The following KCTD2 variants were observed in gnomAD, a reference collection of about 807,000 sequenced individuals.
KCTD2 encodes potassium channel tetramerization domain containing 2.
A neutral mutation model predicts 27.9 loss-of-function variants in KCTD2; 18 were observed. The observed-to-expected ratio is 0.64, with a 90% CI of 0.45 to 0.96. KCTD2 has a LOEUF of 0.96. Ranked by LOEUF, KCTD2 falls within the 40% of genes least tolerant of loss-of-function variation. KCTD2 has a pLI of 0.00. For missense variants in KCTD2, 280 were observed against 348.0 expected, an observed-to-expected ratio of 0.80 and a Z score of 1.56; for synonymous variants, 175 against 148.4, an observed-to-expected ratio of 1.18 and a Z score of -1.30.
upstream of KCTD2, among the ~76,000 whole-genome samples, chr17:75,044,992 A>AC (rs758820951): frequency 5.0e-4 from 76 of 151,984 alleles, no homozygotes; most frequent in Non-Finnish European, 9.6e-4. Context: ...ACTTTCCCAA[A>AC]CATCAGTGTA....
At chr17:75,062,976 TC>T (rs1349687164) in intron 5 of KCTD2, 41 bp from the exon 6 acceptor site, 1 of 1,609,928 alleles carries the variant, frequency 6.2e-7, no homozygotes, top group South Asian at 1.1e-5. Context: ...TCTCTGTCTT[TC>T]CCTCAGCAGC....
rs141715404 is a variant in KCTD2, at chr17:75,061,938, A to G, written c.637-182A>G. Among the ~76,000 whole-genome samples the G allele has an allele frequency of 4.2e-3, 646 of 152,248 alleles. 3 individuals are homozygous for G. Among genetic ancestry groups the G allele is most frequent in the African/African-American group, 0.015 (615 of 41,534 alleles). On this transcript the variant is annotated intron_variant, in intron 4 of 5. Transcript: ENST00000322444. ...TCCTCCTGGGGAGGCCTCACCAATG[A>G]TGCCCTGATGAAGAACAGGCCCATT...
chr17:75,033,562 A>AT (rs1423557256), intron 1 of KCTD2, among the ~76,000 whole-genome samples: 9 of 152,076 alleles, frequency 5.9e-5, no homozygotes, highest in African/African-American at 2.2e-4. Context: ...AAATTCCTGG[A>AT]TTTTTTATCA....
rs1224730871 is a variant in KCTD2, at chr17:75,065,398, A to T, written c.*2351A>T. On this transcript the variant is annotated 3_prime_UTR_variant, in exon 6 of 6. Coordinates refer to ENST00000322444, the MANE Select transcript of KCTD2 (RefSeq NM_015353.3). The stretch of plus-strand genomic sequence containing the variant: ...GAGTGTCTGGCTGATCACATCAGAG[A>T]GGTCTGCGTGGCAGTTTGGGGCTGT... 6.6e-6 allele frequency: 1 copy of T among 152,102 alleles called. No homozygotes were observed. The highest frequency in any genetic ancestry group is 1.5e-5 in the Non-Finnish European group (1 of 68,048). The allele number at this position is 152,102 out of a possible 1,614,324, so 9.4% of individuals were successfully genotyped here.
At chr17:75,047,168 G>A (rs1021917836), upstream of KCTD2, 11 of 376,854 alleles carry the variant, frequency 2.9e-5, no homozygotes, top group African/African-American at 2.2e-4. Context: ...CACCCCCGCC[G>A]ATGGGCCGGC....
At chr17:75,056,492 T>G (rs2073351513) in intron 3 of KCTD2, among the ~76,000 whole-genome samples, 1 of 152,218 alleles carries the variant, frequency 6.6e-6, no homozygotes. Flanking sequence ...CTGGAGAGCA[T>G]TATAAGATTT....
intron 2 of KCTD2, among the ~76,000 whole-genome samples, chr17:75,051,844 C>T (rs1488885751): frequency 6.6e-6 from 1 of 152,066 alleles, no homozygotes. Context: ...GTCAGTTGTC[C>T]TAATAATGGC....
chr17:75,054,176 C>T (rs1181328380), intron 3 of KCTD2, among the ~76,000 whole-genome samples: 2 of 151,700 alleles, frequency 1.3e-5, no homozygotes, highest in African/African-American at 4.8e-5. Flanking sequence ...AGCTACCACA[C>T]CTGGCTAATT....
chr17:75,038,089 T>C (rs1032038961), intron 3 of KCTD2, among the ~76,000 whole-genome samples: 4 of 151,958 alleles, frequency 2.6e-5, no homozygotes, highest in South Asian at 2.1e-4. Flanking sequence ...CATGTTCAAA[T>C]GCAAAAAGCT....
At chr17:75,049,349 G>T in intron 2 of KCTD2, 21 bp downstream of exon 2, 2 of 1,391,358 alleles carry the variant, frequency 1.4e-6, no homozygotes, top group Non-Finnish European at 1.0e-6. Flanking sequence ...TGTTTGCATT[G>T]GGGATTTTCA....
intron 3 of KCTD2, among the ~76,000 whole-genome samples, chr17:75,054,687 G>A (rs1434528748): frequency 6.6e-6 from 1 of 151,974 alleles, no homozygotes; most frequent in Non-Finnish European, 1.5e-5. Context: ...GGTGCCTGTA[G>A]TCCCAGCTGC....
chr17:75,040,532 G>C (rs1482449867), intron 3 of KCTD2: 31 of 255,234 alleles, frequency 1.2e-4, no homozygotes, highest in Non-Finnish European at 1.9e-4. Flanking sequence ...CTTCTGCATG[G>C]AACCCTAGGG....
At chr17:75,056,952 C>CTTTTTTTTTTTTTTTTTTT (rs35875644) in intron 3 of KCTD2, among the ~76,000 whole-genome samples, 16 of 108,012 alleles carry the variant, frequency 1.5e-4, no homozygotes, top group Non-Finnish European at 2.3e-4. Flanking sequence ...TTTCTTTTTT[C>CTTTTTTTTTTTTTTTTTTT]TTTTTTTTTT....
At chr17:75,037,472 T>G (rs996686938) in intron 3 of KCTD2, among the ~76,000 whole-genome samples, 10 of 152,274 alleles carry the variant, frequency 6.6e-5, no homozygotes, top group Admixed American at 1.3e-4. Context: ...ACCTAGAAAC[T>G]TCCCAGGTTA....
chr17:75,042,632 C>T, upstream of KCTD2: 1 of 1,609,972 alleles, frequency 6.2e-7, no homozygotes. Context: ...GTTTTTAGAG[C>T]AAGTTTTCGC....
intron 4 of KCTD2, chr17:75,060,675 G>T: frequency 6.9e-7 from 1 of 1,443,078 alleles, no homozygotes; most frequent in Non-Finnish European, 9.2e-7. Context: ...GTGCGAGGGC[G>T]GGTCAGGCTG....
At chr17:75,061,988 C>A in intron 4 of KCTD2, 132 bp from the exon 5 acceptor site, 1 of 992,910 alleles carries the variant, frequency 1.0e-6, no homozygotes, top group Non-Finnish European at 1.5e-6. Flanking sequence ...TTGGTAGTCA[C>A]AGAGAACTCA....
At chr17:75,056,952 CTTTTTTTTTT>C (rs35875644) in intron 3 of KCTD2, among the ~76,000 whole-genome samples, 2 of 107,994 alleles carry the variant, frequency 1.9e-5, no homozygotes, top group African/African-American at 7.2e-5. Context: ...TTTCTTTTTT[CTTTTTTTTTT>C]TTTTTTTTTG....
intron 3 of KCTD2, among the ~76,000 whole-genome samples, chr17:75,056,985 CGCTGTGTTGACCAG>C: frequency 8.0e-6 from 1 of 125,606 alleles, no homozygotes; most frequent in Admixed American, 1.0e-4. Flanking sequence ...GACAGAGTCT[CGCTGTGTTGACCAG>C]GCTGGAGTGC....
Sources: allele counts gnomAD v4.1 joint callset (sites outside exome capture counted in the v4.1 genomes callset), GRCh38; gene constraint gnomAD v4.1.1; transcripts MANE v1.5; gene names NCBI Gene and HGNC (gene_info 2026-07-23, HGNC 2026-07-21).